The following PCDH11X variants were observed in gnomAD, a reference collection of about 807,000 sequenced individuals.
PCDH11X encodes protocadherin-11 X-linked.
PCDH11X carries 18 observed loss-of-function variants against 53.3 expected under a neutral mutation model. The ratio of observed to expected loss-of-function variants is 0.34; its 90% CI spans 0.23 to 0.50. The LOEUF (loss-of-function observed/expected upper bound fraction) is 0.50. Ranked by LOEUF, PCDH11X falls within the 20% of genes least tolerant of loss-of-function variation. The probability of loss-of-function intolerance (pLI) is 0.98; values close to 1 mark genes in which losing one functional copy is unlikely to be tolerated. For missense variants in PCDH11X, 570 were observed against 1,032.4 expected (o/e 0.55, Z 6.14); for synonymous variants, 279 against 393.3 (o/e 0.71, Z 3.44).
intron 6 of PCDH11X, among the ~76,000 whole-genome samples, chrX:92,054,543 G>A (rs6522480): frequency 0.14 from 15,122 of 110,812 alleles, 965 homozygotes; most frequent in East Asian, 0.42. Context: ...AGTGTGTGCC[G>A]GGTACGGTGG....
At chrX:92,338,551 G>A (rs761484929) in intron 8 of PCDH11X, among the ~76,000 whole-genome samples, 1 of 110,156 alleles carries the variant, frequency 9.1e-6, no homozygotes, top group East Asian at 2.9e-4. Flanking sequence ...ATTATTGTTG[G>A]ATTTAGACCC....
intron 9 of PCDH11X, among the ~76,000 whole-genome samples, chrX:92,425,309 CAGT>C (rs1447644924): frequency 2.7e-5 from 3 of 109,973 alleles, no homozygotes; most frequent in African/African-American, 9.9e-5. Flanking sequence ...AGGATCGTAG[CAGT>C]AGATGTGGCA....
chrX:91,966,025 T>A (rs2061858012), intron 6 of PCDH11X, among the ~76,000 whole-genome samples: 1 of 111,110 alleles, frequency 9.0e-6, no homozygotes, highest in Non-Finnish European at 1.9e-5. Context: ...TTTTATATAG[T>A]GGGGAAGAAA....
intron 6 of PCDH11X, among the ~76,000 whole-genome samples, chrX:92,042,853 C>A (rs1441080713): frequency 1.8e-5 from 2 of 108,387 alleles, no homozygotes; most frequent in East Asian, 5.8e-4. Context: ...CTTGGCCAGG[C>A]TGGTCTTGAA....
At chrX:91,780,568 C>G (rs920387974) in intron 1 of PCDH11X, among the ~76,000 whole-genome samples, 5 of 112,522 alleles carry the variant, frequency 4.4e-5, no homozygotes, top group Non-Finnish European at 7.5e-5. Context: ...GCCCACCTAT[C>G]CCATAAATAG....
intron 10 of PCDH11X, among the ~76,000 whole-genome samples, chrX:92,510,627 G>A (rs1421156591): frequency 9.2e-6 from 1 of 109,032 alleles, no homozygotes; most frequent in Non-Finnish European, 1.9e-5. Flanking sequence ...TTATCCGGTA[G>A]GGATTCAGGT....
intron 6 of PCDH11X, among the ~76,000 whole-genome samples, chrX:91,897,410 T>C (rs1284819025): frequency 9.5e-6 from 1 of 105,813 alleles, no homozygotes; most frequent in Non-Finnish European, 1.9e-5. Context: ...CATCAATTTA[T>C]AATGAAAAGG....
At chrX:91,879,330 GT>G in intron 6 of PCDH11X, 57 bp downstream of exon 6, 3 of 1,204,708 alleles carry the variant, frequency 2.5e-6, no homozygotes, top group Non-Finnish European at 3.4e-6. Context: ...ATTATTTTCA[GT>G]TGATGTAGAA....
At chrX:92,354,290 T>G (rs1274843499) in intron 8 of PCDH11X, among the ~76,000 whole-genome samples, 3 of 103,437 alleles carry the variant, frequency 2.9e-5, no homozygotes, top group Non-Finnish European at 5.9e-5. Flanking sequence ...GCCCTACAAC[T>G]GAAACGATAA....
intron 6 of PCDH11X, among the ~76,000 whole-genome samples, chrX:92,124,088 A>G (rs5984153): frequency 0.013 from 1,483 of 111,825 alleles, 19 homozygotes; most frequent in African/African-American, 0.045. Flanking sequence ...TCATTTCCTT[A>G]GAGATGCTGT....
chrX:92,200,520 A>G (rs1038478371), intron 6 of PCDH11X, among the ~76,000 whole-genome samples: 3 of 112,452 alleles, frequency 2.7e-5, no homozygotes, highest in Non-Finnish European at 5.6e-5. Flanking sequence ...TAGCCAAGAT[A>G]TAGGATAATT....
chrX:92,331,688 A>T (rs962674966), intron 8 of PCDH11X, among the ~76,000 whole-genome samples: 3 of 111,142 alleles, frequency 2.7e-5, no homozygotes, highest in African/African-American at 9.8e-5. Flanking sequence ...GGGAAATTTT[A>T]CAGAGAAAAT....
intron 9 of PCDH11X, among the ~76,000 whole-genome samples, chrX:92,415,370 T>G (rs1038939911): frequency 3.6e-5 from 4 of 111,831 alleles, no homozygotes; most frequent in Non-Finnish European, 7.5e-5. Flanking sequence ...ATTGTGGACC[T>G]TTATTTCATG....
At chrX:92,440,240 G>A (rs765322019) in intron 9 of PCDH11X, among the ~76,000 whole-genome samples, 2 of 109,523 alleles carry the variant, frequency 1.8e-5, no homozygotes, top group Non-Finnish European at 3.8e-5. Context: ...GATGTTTGGG[G>A]TACAAATGAT....
intron 10 of PCDH11X, among the ~76,000 whole-genome samples, chrX:92,469,476 C>T (rs764178584): frequency 9.0e-6 from 1 of 111,408 alleles, no homozygotes; most frequent in African/African-American, 3.2e-5. Flanking sequence ...TTTGCACACT[C>T]AGATTTCCTG....
chrX:92,584,793 T>A, intron 10 of PCDH11X, among the ~76,000 whole-genome samples: 1 of 96,253 alleles, frequency 1.0e-5, no homozygotes, highest in East Asian at 3.3e-4. Flanking sequence ...TTTTTCCTTT[T>A]TTTTTTTTTT....
chrX:92,049,426 C>A (rs1334703759), intron 6 of PCDH11X, among the ~76,000 whole-genome samples: 3 of 109,924 alleles, frequency 2.7e-5, no homozygotes, highest in South Asian at 7.7e-4. Context: ...TCCCCTGACC[C>A]CTTAGAAGGA....
intron 10 of PCDH11X, among the ~76,000 whole-genome samples, chrX:92,542,165 C>A (rs2750968): frequency 5.4e-5 from 6 of 111,537 alleles, no homozygotes; most frequent in Admixed American, 1.9e-4. Flanking sequence ...CTTAAAAATT[C>A]TTGAATTGAA....
chrX:91,829,421 C>G lies in PCDH11X; in HGVS notation c.-44-6040C>G, dbSNP rs949268983. Among the ~76,000 whole-genome samples, 3 of 87,879 alleles carry G rather than the reference C, an allele frequency of 3.4e-5. No homozygotes were observed. In the South Asian group the frequency reaches 1.5e-3, roughly 45 times the overall value. The allele number at this position is 87,879 out of a possible 115,157, so 76.3% of individuals were successfully genotyped here. A position where few individuals can be genotyped will look rare whatever the true frequency, so the allele number is the denominator to read the frequency against. On this transcript the variant is annotated intron_variant, in intron 4 of 10. Coordinates refer to ENST00000682573, the MANE Select transcript of PCDH11X (RefSeq NM_032968.5). The stretch of plus-strand genomic sequence containing the variant: ...GACACAAATATATATATTACACACA[C>G]ACACACACACACACACACACACCCA...
Sources: gnomAD v4.1 joint callset for allele counts (sites outside exome capture counted in the v4.1 genomes callset) on GRCh38, gnomAD v4.1.1 for gene constraint, MANE v1.5 for transcripts, NCBI Gene and HGNC (gene_info 2026-07-23, HGNC 2026-07-21) for gene names.